The following CCDC60 variants were observed in gnomAD, a reference collection of about 807,000 sequenced individuals.
CCDC60 encodes coiled-coil domain containing 60, also known as coiled-coil domain-containing protein 60.
Under a neutral mutation model 63.5 loss-of-function variants are expected in CCDC60, and 54 were observed. The ratio of observed to expected loss-of-function variants is 0.85; its 90% CI spans 0.68 to 1.07. CCDC60 has a LOEUF of 1.07. CCDC60 is among the 50% of genes least tolerant of loss of function. The probability of loss-of-function intolerance (pLI) is 0.00; values close to 1 mark genes in which losing one functional copy is unlikely to be tolerated. For synonymous variants in CCDC60, 206 were observed against 238.8 expected (o/e 0.86, Z 1.27); for missense variants, 651 against 684.3 (o/e 0.95, Z 0.54).
At chr12:119,525,944 C>G (rs1454318663) in intron 11 of CCDC60, among the ~76,000 whole-genome samples, 1 of 152,008 alleles carries the variant, frequency 6.6e-6, no homozygotes, top group Admixed American at 6.6e-5. Context: ...CAAAAAAGAG[C>G]CTGAATAACC....
chr12:119,483,053 A>T (rs571656440), intron 4 of CCDC60, among the ~76,000 whole-genome samples: 1 of 152,248 alleles, frequency 6.6e-6, no homozygotes, highest in African/African-American at 2.4e-5. Context: ...TGCATTTTCC[A>T]TCTGTGAACT....
At chr12:119,505,389 C>T (rs1951970429) in intron 7 of CCDC60, 86 bp downstream of exon 7, 1 of 836,248 alleles carries the variant, frequency 1.2e-6, no homozygotes, top group African/African-American at 1.7e-5. Flanking sequence ...CTCAAGTCCA[C>T]CTCCACTCAT....
chr12:119,413,670 C>T (rs1331088341), intron 1 of CCDC60, among the ~76,000 whole-genome samples: 4 of 152,118 alleles, frequency 2.6e-5, no homozygotes, highest in South Asian at 2.1e-4. Flanking sequence ...CGGAGGTACA[C>T]AAGAGATGAC....
chr12:119,413,706 G>T (rs1956646887), intron 1 of CCDC60, among the ~76,000 whole-genome samples: 1 of 152,100 alleles, frequency 6.6e-6, no homozygotes, highest in African/African-American at 2.4e-5. Flanking sequence ...CAGGTGTGGT[G>T]CATGGAGAGG....
At chr12:119,339,950 C>T (rs1955515630) in intron 1 of CCDC60, among the ~76,000 whole-genome samples, 1 of 152,136 alleles carries the variant, frequency 6.6e-6, no homozygotes, top group Non-Finnish European at 1.5e-5. Flanking sequence ...GTTCGAACCC[C>T]AACACTGCCA....
chr12:119,518,066 C>T (rs185628176), intron 8 of CCDC60, among the ~76,000 whole-genome samples: 2 of 152,298 alleles, frequency 1.3e-5, no homozygotes, highest in East Asian at 1.9e-4. Flanking sequence ...CTTTCACATG[C>T]ATCACACCTC....
intron 1 of CCDC60, among the ~76,000 whole-genome samples, chr12:119,358,230 T>G (rs926662778): frequency 6.6e-6 from 1 of 152,192 alleles, no homozygotes; most frequent in African/African-American, 2.4e-5. Context: ...GGTGATTACA[T>G]GCAATATTTG....
At chr12:119,472,919 G>A (rs546568748) in intron 3 of CCDC60, among the ~76,000 whole-genome samples, 1 of 152,242 alleles carries the variant, frequency 6.6e-6, no homozygotes, top group African/African-American at 2.4e-5. Context: ...GTTGGAAAAG[G>A]ACTATCAATA....
At chr12:119,485,116 G>T (rs1951405018) in intron 4 of CCDC60, among the ~76,000 whole-genome samples, 1 of 152,202 alleles carries the variant, frequency 6.6e-6, no homozygotes, top group South Asian at 2.1e-4. Flanking sequence ...AGGGAACAGT[G>T]CTAAGCACAT....
At chr12:119,484,922 A>C (rs1253487702) in intron 4 of CCDC60, among the ~76,000 whole-genome samples, 1 of 152,132 alleles carries the variant, frequency 6.6e-6, no homozygotes, top group Non-Finnish European at 1.5e-5. Context: ...GTTACAGCAG[A>C]GCAGGAACCC....
intron 2 of CCDC60, among the ~76,000 whole-genome samples, chr12:119,453,897 TGTG>T (rs1395400313): frequency 1.3e-5 from 2 of 151,578 alleles, no homozygotes; most frequent in Admixed American, 6.6e-5. Context: ...ATTTGATGAT[TGTG>T]ATGATGATGA....
At chr12:119,433,251 GATTA>G in intron 2 of CCDC60, 1 of 613,364 alleles carries the variant, frequency 1.6e-6, no homozygotes, top group Non-Finnish European at 2.9e-6. Context: ...GAATAGAGGG[GATTA>G]ATTATTAATA....
At chr12:119,467,073 G>C (rs995649003) in intron 2 of CCDC60, among the ~76,000 whole-genome samples, 1 of 152,210 alleles carries the variant, frequency 6.6e-6, no homozygotes, top group African/African-American at 2.4e-5. Context: ...AATTAAAAGT[G>C]GGTATAAATA....
intron 2 of CCDC60, among the ~76,000 whole-genome samples, chr12:119,444,552 C>A (rs1453970034): frequency 6.6e-6 from 1 of 152,224 alleles, no homozygotes; most frequent in African/African-American, 2.4e-5. Flanking sequence ...CTAGGAGCCT[C>A]ATCTTTCCCT....
intron 7 of CCDC60, among the ~76,000 whole-genome samples, chr12:119,512,196 G>A (rs868033849): frequency 2.6e-5 from 4 of 152,162 alleles, no homozygotes; most frequent in South Asian, 2.1e-4. Flanking sequence ...GGCTTTTGAC[G>A]CCTGAGCTTG....
At position 119,500,103 on chromosome 12, in the gene CCDC60, A is replaced by G. The variant is rs775117225; in HGVS notation, c.583A>G (p.Ile195Val). ...GGACCCGGGTGGAAGCAAGAGCACC[A>G]TTAAAAAAATCAATAAGGACAAGTC... The part of the protein sequence containing the change: ...PKDPGGSKST[I>V]KKINKDKSMG... Residue 195 changes from isoleucine to valine, a missense_variant, in exon 6 of 14, where the codon ATT becomes GTT. Ile to Val is a conservative substitution (Grantham distance 29). Transcript: ENST00000327554. The G allele has an allele frequency of 2.5e-6, 4 of 1,612,246 alleles. No homozygotes were observed. The highest frequency in any genetic ancestry group is 3.4e-5 in the Admixed American group (2 of 59,536).
chr12:119,519,638 T>C lies in CCDC60; in HGVS notation c.969-483T>C, dbSNP rs977964925. Among the ~76,000 whole-genome samples the C allele has an allele frequency of 2.6e-5, 4 of 151,882 alleles. No individual in the cohort carries two copies. In the South Asian group the frequency reaches 8.3e-4, roughly 32 times the overall value. On this transcript the variant is annotated intron_variant, in intron 8 of 13. Transcript: ENST00000327554. ...CCACCACACTCGGCTAATTTTTATA[T>C]TTTTAGTAGAGACAGGGTTTTGCAA...
intron 1 of CCDC60, among the ~76,000 whole-genome samples, chr12:119,373,674 G>C (rs1044423554): frequency 8.0e-6 from 1 of 125,076 alleles, no homozygotes; most frequent in Non-Finnish European, 1.7e-5. Context: ...GGGTGGGGGG[G>C]GGTCTCAGTT....
At chr12:119,473,412 A>G (rs1951106293) in intron 3 of CCDC60, among the ~76,000 whole-genome samples, 1 of 152,222 alleles carries the variant, frequency 6.6e-6, no homozygotes, top group African/African-American at 2.4e-5. Flanking sequence ...TGTCCAGGTC[A>G]GTTACATTAG....
Sources: gnomAD v4.1 joint callset for allele counts (sites outside exome capture counted in the v4.1 genomes callset) on GRCh38, gnomAD v4.1.1 for gene constraint, MANE v1.5 for transcripts, NCBI Gene and HGNC (gene_info 2026-07-23, HGNC 2026-07-21) for gene names.